Variants in MID1 observed in about 807,000 individuals in gnomAD.
The protein encoded by MID1 is E3 ubiquitin-protein ligase Midline-1.
A neutral mutation model predicts 40.4 loss-of-function variants in MID1; 7 were observed. The observed-to-expected ratio is 0.17, with a 90% confidence interval of 0.10 to 0.33. The LOEUF is 0.33. MID1 is among the 10% of genes least tolerant of loss of function. The pLI is 1.00. For synonymous variants in MID1, 229 were observed against 221.2 expected (o/e 1.04, Z -0.31); for missense variants, 367 against 558.5 (o/e 0.66, Z 3.46).
rs761274794 is a variant in MID1, at chrX:10,784,743, G to C, written c.-187+48811C>G. 1.8e-3 allele frequency among the ~76,000 whole-genome samples: 194 copies of C among 110,650 alleles called. 1 individual carries two copies. The highest frequency in any genetic ancestry group is 2.1e-3 in the Non-Finnish European group (110 of 52,950). ...TTACAGGTGTAAGCCACCGCACCTGGCCTACGAGTTGTATTTTCAAAATTT... is the reference window on the plus strand; with the variant it reads ...TTACAGGTGTAAGCCACCGCACCTGCCCTACGAGTTGTATTTTCAAAATTT... On this transcript the variant is annotated intron_variant, in intron 1 of 10. Coordinates refer to the MID1 transcript ENST00000380785.
At chrX:10,702,920 A>T (rs2043201821) in intron 1 of MID1, among the ~76,000 whole-genome samples, 1 of 111,604 alleles carries the variant, frequency 9.0e-6, no homozygotes, top group South Asian at 3.8e-4. Context: ...CTCCACGAGG[A>T]CACACTGTGG....
chrX:10,695,655 T>A (rs770266454), intron 1 of MID1, among the ~76,000 whole-genome samples: 1 of 112,180 alleles, frequency 8.9e-6, no homozygotes, highest in Non-Finnish European at 1.9e-5. Flanking sequence ...TCAATTAAAC[T>A]CTTTCTTTAC....
intron 1 of MID1, among the ~76,000 whole-genome samples, chrX:10,701,707 C>T (rs921349771): frequency 4.5e-5 from 5 of 112,300 alleles, no homozygotes; most frequent in Admixed American, 1.9e-4. Flanking sequence ...TATAGCAGCT[C>T]ATATGCAAAT....
intron 1 of MID1, among the ~76,000 whole-genome samples, chrX:10,757,591 G>T (rs1240718473): frequency 9.0e-6 from 1 of 111,513 alleles, no homozygotes; most frequent in Non-Finnish European, 1.9e-5. Flanking sequence ...CATTTTTTTT[G>T]GATTAAATTA....
At chrX:10,524,359 G>T (rs1001717675) in intron 2 of MID1, among the ~76,000 whole-genome samples, 1 of 110,829 alleles carries the variant, frequency 9.0e-6, no homozygotes, top group African/African-American at 3.3e-5. Flanking sequence ...AACTGTCTTG[G>T]GCCACACATA....
exon 1 of MID1, chrX:10,833,556 G>A (rs1014268926): frequency 1.2e-4 from 14 of 112,412 alleles, no homozygotes; most frequent in Non-Finnish European, 2.6e-4. Flanking sequence ...AGACTCACCA[G>A]CTTCCCCATT....
intron 8 of MID1, among the ~76,000 whole-genome samples, chrX:10,456,378 A>ACTCTT (rs1569268627): frequency 8.9e-6 from 1 of 112,131 alleles, no homozygotes; most frequent in Non-Finnish European, 1.9e-5. Context: ...TGACTATTCA[A>ACTCTT]CTCTTCTGCT....
chrX:10,727,938 T>C (rs759637788), intron 1 of MID1, among the ~76,000 whole-genome samples: 1 of 112,077 alleles, frequency 8.9e-6, no homozygotes, highest in Non-Finnish European at 1.9e-5. Context: ...AAATAAGTGA[T>C]CTGCCACCTC....
intron 1 of MID1, among the ~76,000 whole-genome samples, chrX:10,704,765 C>CACACACACACAGAG (rs781699598): frequency 5.5e-5 from 5 of 91,631 alleles, no homozygotes; most frequent in Non-Finnish European, 8.4e-5. Context: ...CACACACACA[C>CACACACACACAGAG]AGAGAGAGAG....
chrX:10,827,440 T>A, intron 1 of MID1, among the ~76,000 whole-genome samples: 1 of 95,952 alleles, frequency 1.0e-5, no homozygotes, highest in African/African-American at 3.9e-5. Flanking sequence ...AGATTCCTGC[T>A]CCCCCCGTCC....
intron 1 of MID1, among the ~76,000 whole-genome samples, chrX:10,693,929 T>C (rs1348240024): frequency 1.8e-5 from 2 of 112,232 alleles, no homozygotes; most frequent in African/African-American, 6.5e-5. Flanking sequence ...GGGAATGAAG[T>C]AGCAAAACCT....
At position 10,509,874 on chromosome X, in the gene MID1, C is replaced by T. The variant is rs181791451; in HGVS notation, c.756+13218G>A. On this transcript the variant is annotated intron_variant, in intron 3 of 9. Transcript: ENST00000317552. ...CAATAGTCAAGTGCTGCATGCTAAACGCAGCATACTAGGAAGACTGTCCTA... is the reference window on the plus strand; with the variant it reads ...CAATAGTCAAGTGCTGCATGCTAAATGCAGCATACTAGGAAGACTGTCCTA... Among the ~76,000 whole-genome samples, 575 of 112,004 alleles carry T rather than the reference C, an allele frequency of 5.1e-3. 5 individuals are homozygous for T. The highest frequency in any genetic ancestry group is 0.017 in the African/African-American group (526 of 30,831).
chrX:10,602,023 G>C (rs1038380582), intron 1 of MID1, among the ~76,000 whole-genome samples: 1 of 106,299 alleles, frequency 9.4e-6, no homozygotes, highest in African/African-American at 3.4e-5. Context: ...TCAGCCTCCC[G>C]AGTAGCTGGG....
intron 1 of MID1, among the ~76,000 whole-genome samples, chrX:10,704,739 T>TATATAC (rs1233692170): frequency 6.4e-4 from 53 of 82,180 alleles, no homozygotes; most frequent in Non-Finnish European, 8.7e-4. Context: ...TATATATATA[T>TATATAC]ACACACACAC....
At chrX:10,697,197 A>G (rs1186403347) in intron 1 of MID1, among the ~76,000 whole-genome samples, 1 of 111,581 alleles carries the variant, frequency 9.0e-6, no homozygotes, top group East Asian at 2.8e-4. Context: ...CAAGAAGTAG[A>G]AACAAAGGAT....
Position 10,567,553 on chromosome X carries a change from G to A in MID1, c.-6C>T. On this transcript the variant is annotated 5_prime_UTR_variant, in exon 2 of 10. Transcript: ENST00000317552. Reference sequence around the variant, plus strand: ...TCTGACTCCAGTGTTTCCATCTTCAGGCAAAGCTCTCTTGTGTCATCAGCA... The same window carrying A: ...TCTGACTCCAGTGTTTCCATCTTCAAGCAAAGCTCTCTTGTGTCATCAGCA... The A allele has an allele frequency of 8.3e-7, 1 of 1,211,508 alleles. No individual in the cohort carries two copies. The highest frequency in any genetic ancestry group is 1.1e-6 in the Non-Finnish European group (1 of 895,277).
chrX:10,633,885 T>C (rs954266830), intron 1 of MID1, among the ~76,000 whole-genome samples: 7 of 111,761 alleles, frequency 6.3e-5, no homozygotes, highest in African/African-American at 2.3e-4. Flanking sequence ...CCAATACTCG[T>C]TGCCTAAGAA....
chrX:10,586,237 C>A (rs1194006420), intron 1 of MID1, among the ~76,000 whole-genome samples: 1 of 111,820 alleles, frequency 8.9e-6, no homozygotes, highest in Non-Finnish European at 1.9e-5. Context: ...TGAGGAAGGT[C>A]AGTTGAAGTC....
At chrX:10,609,970 G>A (rs913350924) in intron 1 of MID1, among the ~76,000 whole-genome samples, 3 of 111,220 alleles carry the variant, frequency 2.7e-5, no homozygotes, top group Non-Finnish European at 5.7e-5. Flanking sequence ...CGCCCGCCTC[G>A]GCTTCCCAAA....
Sources: gnomAD v4.1 joint callset for allele counts (sites outside exome capture counted in the v4.1 genomes callset) on GRCh38, gnomAD v4.1.1 for gene constraint, MANE v1.5 for transcripts, NCBI Gene and HGNC (gene_info 2026-07-23, HGNC 2026-07-21) for gene names.